Variants in KCNN3 observed in about 807,000 individuals in gnomAD.
KCNN3 encodes the protein potassium calcium-activated channel subfamily N member 3.
Under a neutral mutation model 62.9 loss-of-function variants are expected in KCNN3, and 16 were observed. The observed-to-expected ratio is 0.25, with a 90% CI of 0.17 to 0.39. The LOEUF is 0.39. Ranked by LOEUF, KCNN3 falls within the 10% of genes least tolerant of loss-of-function variation. The probability of loss-of-function intolerance (pLI) is 1.00; values close to 1 mark genes in which losing one functional copy is unlikely to be tolerated. For missense variants in KCNN3, 599 were observed against 949.4 expected (o/e 0.63, Z 4.85); for synonymous variants, 370 against 389.2 (o/e 0.95, Z 0.58).
At chr1:154,726,668 C>G (rs1700472454) in intron 4 of KCNN3, among the ~76,000 whole-genome samples, 1 of 152,232 alleles carries the variant, frequency 6.6e-6, no homozygotes, top group South Asian at 2.1e-4. Flanking sequence ...CGCTATGACT[C>G]AGCACAAGGA....
chr1:154,783,943 C>CA (rs1459396217), intron 2 of KCNN3, among the ~76,000 whole-genome samples: 2 of 152,118 alleles, frequency 1.3e-5, no homozygotes, highest in African/African-American at 4.8e-5. Context: ...CGAGGAGCAA[C>CA]AGGAACAGGA....
intron 2 of KCNN3, among the ~76,000 whole-genome samples, chr1:154,792,243 T>A (rs2101864145): frequency 6.6e-6 from 1 of 152,340 alleles, no homozygotes; most frequent in East Asian, 1.9e-4. Context: ...CTCCCCCGTC[T>A]GCCATGTTCC....
chr1:154,860,448 C>G (rs751831304), intron 1 of KCNN3, among the ~76,000 whole-genome samples: 1 of 152,190 alleles, frequency 6.6e-6, no homozygotes, highest in Non-Finnish European at 1.5e-5. Flanking sequence ...TGTCCACACC[C>G]GGTTAGCTCT....
intron 3 of KCNN3, among the ~76,000 whole-genome samples, chr1:154,733,594 A>G (rs1329111954): frequency 1.3e-5 from 2 of 152,184 alleles, no homozygotes; most frequent in Non-Finnish European, 2.9e-5. Context: ...TTCCTCTAAG[A>G]AAGTTGAAGC....
At chr1:154,797,627 C>T (rs930710053) in intron 2 of KCNN3, among the ~76,000 whole-genome samples, 4 of 152,320 alleles carry the variant, frequency 2.6e-5, no homozygotes, top group South Asian at 4.1e-4. Flanking sequence ...CCTGGAAGCT[C>T]TATGAGGGCA....
intron 3 of KCNN3, among the ~76,000 whole-genome samples, chr1:154,764,971 G>A (rs1648190420): frequency 6.6e-6 from 1 of 152,176 alleles, no homozygotes; most frequent in African/African-American, 2.4e-5. Flanking sequence ...TCATTCAAAT[G>A]ACAGGGTGGA....
At chr1:154,726,345 G>A (rs1384695934) in intron 4 of KCNN3, among the ~76,000 whole-genome samples, 1 of 152,188 alleles carries the variant, frequency 6.6e-6, no homozygotes, top group African/African-American at 2.4e-5. Context: ...CAACAACTAA[G>A]CACCTGGTCA....
At chr1:154,829,290 G>A (rs1039213903) in intron 1 of KCNN3, among the ~76,000 whole-genome samples, 1 of 152,224 alleles carries the variant, frequency 6.6e-6, no homozygotes, top group Non-Finnish European at 1.5e-5. Context: ...ACCCACAAGT[G>A]GTTCCTTTGC....
chr1:154,741,914 G>A (rs1044433473), intron 3 of KCNN3, among the ~76,000 whole-genome samples: 7 of 152,224 alleles, frequency 4.6e-5, no homozygotes, highest in African/African-American at 1.7e-4. Flanking sequence ...TGCCCACTGA[G>A]CTGTGAACCC....
intron 2 of KCNN3, among the ~76,000 whole-genome samples, chr1:154,787,681 AG>A (rs1358755733): frequency 6.6e-6 from 1 of 152,092 alleles, no homozygotes; most frequent in African/African-American, 2.4e-5. Context: ...CCCACACTAG[AG>A]GGCCCTGCTT....
chr1:154,766,239 C>T (rs527487034), intron 3 of KCNN3, among the ~76,000 whole-genome samples: 1 of 151,598 alleles, frequency 6.6e-6, no homozygotes, highest in East Asian at 1.9e-4. Flanking sequence ...AGGCTACTTT[C>T]CTATCCTCTC....
At chr1:154,833,056 A>G (rs1379621120) in intron 1 of KCNN3, among the ~76,000 whole-genome samples, 1 of 152,086 alleles carries the variant, frequency 6.6e-6, no homozygotes, top group Admixed American at 6.6e-5. Flanking sequence ...TCTCAGCCTT[A>G]TCACCCCTCC....
chr1:154,841,673 T>A (rs933517300), intron 1 of KCNN3, among the ~76,000 whole-genome samples: 4 of 152,140 alleles, frequency 2.6e-5, no homozygotes, highest in African/African-American at 9.7e-5. Flanking sequence ...CTGCAGAAAG[T>A]TGTTCAGCTC....
At chr1:154,784,991 C>A (rs572685086) in intron 2 of KCNN3, among the ~76,000 whole-genome samples, 6 of 152,354 alleles carry the variant, frequency 3.9e-5, no homozygotes, top group African/African-American at 1.2e-4. Context: ...GCTTGTTGGG[C>A]TGAGCCCCAG....
intron 3 of KCNN3, among the ~76,000 whole-genome samples, chr1:154,740,519 T>C (rs895553989): frequency 6.6e-6 from 1 of 152,218 alleles, no homozygotes; most frequent in Non-Finnish European, 1.5e-5. Flanking sequence ...AAGACTGGGT[T>C]TGCTGGTTTG....
intron 2 of KCNN3, among the ~76,000 whole-genome samples, chr1:154,777,129 C>T (rs538908528): frequency 2.0e-5 from 3 of 152,312 alleles, no homozygotes; most frequent in East Asian, 1.9e-4. Context: ...GGCTCAGCGT[C>T]CTCCTCTGAG....
chr1:154,855,218 AAAATAAAT>A (rs57512838), intron 1 of KCNN3, among the ~76,000 whole-genome samples: 97 of 149,362 alleles, frequency 6.5e-4, no homozygotes, highest in African/African-American at 1.8e-3. Flanking sequence ...ACTCTGTCTC[AAAATAAAT>A]AAATAAATAA....
Position 154,741,680 on chromosome 1 carries a change from G to A in KCNN3, c.1449-8536C>T, listed in dbSNP as rs376648129. On this transcript the variant is annotated intron_variant, in intron 3 of 7. Transcript: ENST00000271915. ...GCCTCTTCTTCCTTATTCTCCAAAA[G>A]AATTTGAATACTTTTTAAAACTAGT... is the stretch of plus-strand genomic sequence containing the variant. 3.4e-4 allele frequency among the ~76,000 whole-genome samples: 45 copies of A among 133,520 alleles called. No homozygotes were observed. In the East Asian group the frequency reaches 6.9e-3, roughly 20 times the overall value. The allele number at this position is 133,520 out of a possible 152,430, so 87.6% of individuals were successfully genotyped here.
In KCNN3 at chr1:154,869,618, G is replaced by C. The variant is rs1418719086; in HGVS notation, c.347C>G (p.Ser116Cys). The change falls in exon 1 of 8, where the codon TCC becomes TGC. Residue 116 changes from serine (S) to cysteine (C), a missense_variant. By Grantham distance (112) the Ser-to-Cys change is moderately radical. Around this residue, in one of 7 missense-constraint regions of KCNN3, gnomAD observed 112 missense variants for 142.9 expected, o/e 0.78. Transcript: ENST00000271915. This position sits in a 1 kb window ranked among gnomAD's most constrained non-coding sequence, Gnocchi z 6.1. ...TAFRAPPSSNSTAILHPSSRQ... is the reference protein window; with the variant it reads ...TAFRAPPSSNCTAILHPSSRQ... ...GGAGGAAGGGTGGAGGATGGCGGTG[G>C]AGTTGGACGAAGGGGGGGCCCTGAA... is the stretch of plus-strand genomic sequence containing the variant. The C allele has an allele frequency of 1.2e-6, 2 of 1,614,056 alleles. No individual in the cohort carries two copies. The highest frequency in any genetic ancestry group is 1.1e-5 in the South Asian group (1 of 91,080).
Sources: gnomAD v4.1 joint callset for allele counts (sites outside exome capture counted in the v4.1 genomes callset) on GRCh38, gnomAD v4.1.1 for gene constraint, gnomAD v4.1.1 regional missense constraint, Gnocchi (gnomAD v3.1) non-coding constraint, MANE v1.5 for transcripts, NCBI Gene and HGNC (gene_info 2026-07-23, HGNC 2026-07-21) for gene names.